RNF41: variants seen among roughly 807,000 people sequenced by gnomAD.
RNF41 encodes the protein ring finger protein 41, also known as E3 ubiquitin-protein ligase NRDP1.
A neutral mutation model predicts 33.0 loss-of-function variants in RNF41; 4 were observed. That is an observed-to-expected ratio of 0.12 (90% CI 0.06 to 0.28). RNF41 has a LOEUF of 0.28. Among genes scored for constraint, RNF41 ranks in the 10% least tolerant of loss-of-function variants. The probability of loss-of-function intolerance (pLI) is 1.00; values close to 1 mark genes in which losing one functional copy is unlikely to be tolerated. For synonymous variants in RNF41, 164 were observed against 153.2 expected (o/e 1.07, Z -0.52); for missense variants, 228 against 432.6 (o/e 0.53, Z 4.19).
At chr12:56,218,601 T>C (rs1402086652) in intron 1 of RNF41, among the ~76,000 whole-genome samples, 1 of 151,848 alleles carries the variant, frequency 6.6e-6, no homozygotes, top group East Asian at 1.9e-4. Context: ...CAAGTAACCC[T>C]GCTGTAGTTT....
intron 1 of RNF41, among the ~76,000 whole-genome samples, chr12:56,217,173 A>G (rs1868968079): frequency 6.6e-6 from 1 of 150,914 alleles, no homozygotes; most frequent in Non-Finnish European, 1.5e-5. Context: ...GAGGAAAAGT[A>G]GAGGAGTTGT....
intron 3 of RNF41, among the ~76,000 whole-genome samples, chr12:56,211,619 G>A (rs180741014): frequency 2.8e-4 from 42 of 152,198 alleles, no homozygotes; most frequent in African/African-American, 9.9e-4. Flanking sequence ...GGGTCTTGAA[G>A]GATAATTCAG....
At chr12:56,209,450 T>C (rs1407416241) in intron 4 of RNF41, among the ~76,000 whole-genome samples, 1 of 149,832 alleles carries the variant, frequency 6.7e-6, no homozygotes, top group Non-Finnish European at 1.5e-5. Context: ...ACCACCACAC[T>C]TGGCTAATTT....
intron 1 of RNF41, among the ~76,000 whole-genome samples, chr12:56,218,456 T>C (rs1233629236): frequency 1.3e-5 from 2 of 150,920 alleles, no homozygotes; most frequent in African/African-American, 4.9e-5. Context: ...AGAGATGGGG[T>C]TTTGCCATGT....
intron 3 of RNF41, 54 bp downstream of exon 3, chr12:56,213,904 A>G (rs1831532083): frequency 4.5e-6 from 5 of 1,118,456 alleles, no homozygotes; most frequent in Middle Eastern, 1.9e-4. Flanking sequence ...AATATTTTCT[A>G]CTAGTTCCAC....
Position 56,210,374 on chromosome 12 carries a change from C to G in RNF41, c.285G>C (p.Arg95=), listed in dbSNP as rs147589376. Residue 95 remains arginine (R), a synonymous_variant, in exon 4 of 7, where the codon CGG becomes CGC. Coordinates refer to ENST00000345093, the MANE Select transcript of RNF41 (RefSeq NM_005785.4). ...TGAGGTGAGACATGAGGTTGTCAAG[C>G]CGGACAACGGCACTACAGCCGAACA... is the stretch of plus-strand genomic sequence containing the variant. The part of the protein sequence containing the change: ...NAVFGCSAVV[R]LDNLMSHLSD... 138 of 1,614,062 alleles carry G rather than the reference C, an allele frequency of 8.5e-5. No homozygotes were observed. Among genetic ancestry groups the G allele is most frequent in the Non-Finnish European group, 1.1e-4 (130 of 1,180,032 alleles).
chr12:56,219,278 G>T (rs535587200), intron 1 of RNF41, among the ~76,000 whole-genome samples: 1 of 150,144 alleles, frequency 6.7e-6, no homozygotes, highest in East Asian at 2.0e-4. Flanking sequence ...TACAAGTTCC[G>T]CCTCCCAGGT....
In RNF41 at chr12:56,208,244, G is replaced by T. The variant is rs918628685; in HGVS notation, c.417C>A (p.Arg139=). The T allele has an allele frequency of 6.2e-7, 1 of 1,614,100 alleles. No homozygotes were observed. Among genetic ancestry groups the T allele is most frequent in the Non-Finnish European group, 8.5e-7 (1 of 1,180,042 alleles). The change falls in exon 5 of 7, where the codon CGC becomes CGA. Residue 139 remains arginine (R), a synonymous_variant. Transcript: ENST00000345093. ...LPNHNCIKHL[R]SVVQQQQTRI... ...GTGTCTGCTGCTGCTGTACCACTGA[G>T]CGCAGGTGCTTAATGCAGTTATGGT...
Position 56,210,462 on chromosome 12 carries a change from C to A in RNF41, c.197G>T (p.Arg66Leu). The A allele has an allele frequency of 1.2e-6, 2 of 1,614,190 alleles. No homozygotes were observed. Among genetic ancestry groups the A allele is most frequent in the Non-Finnish European group, 8.5e-7 (1 of 1,180,038 alleles). ...DRSVVTVAHLRPVPRIMRNML... is the reference protein window; with the variant it reads ...DRSVVTVAHLLPVPRIMRNML... ...GTTCCGCATGATCCGAGGTACTGGG[C>A]GCAGATGGGCGACCGTCACAACACT... The change falls in exon 4 of 7, where the codon CGC becomes CTC. Residue 66 changes from arginine (R) to leucine (L), a missense_variant. By Grantham distance (102) the Arg-to-Leu change is moderately radical. This residue lies in a region of RNF41 where 29 missense variants were observed against 98.0 expected (regional missense o/e 0.30). Coordinates refer to ENST00000345093, the MANE Select transcript of RNF41 (RefSeq NM_005785.4).
At chr12:56,216,217 C>T (rs1038561233) in intron 2 of RNF41, among the ~76,000 whole-genome samples, 1 of 151,844 alleles carries the variant, frequency 6.6e-6, no homozygotes, top group South Asian at 2.1e-4. Context: ...CATAAAAACA[C>T]ATAAACGTAT....
rs753152331 is a variant in RNF41 at position 56,206,468 on chromosome 12, C to T, written c.933G>A (p.Ala311=). Residue 311 remains alanine, a synonymous_variant, in exon 7 of 7, where the codon GCG becomes GCA. Coordinates refer to ENST00000345093, the MANE Select transcript of RNF41 (RefSeq NM_005785.4). This position sits in a 1 kb window ranked among gnomAD's most constrained non-coding sequence, Gnocchi z 5.7. ...TCTCTTATATCTCTTCCACGCCATG[C>T]GCAAATATCATGACAAGGCCTGGCT... The part of the protein sequence containing the change: ...VQEPGLVMIF[A]HGVEEI The T allele has an allele frequency of 1.1e-5, 17 of 1,612,798 alleles. No individual in the cohort carries two copies. Among genetic ancestry groups the T allele is most frequent in the South Asian group, 3.3e-5 (3 of 90,984 alleles).
At chr12:56,221,284 G>A (rs777315691) in intron 1 of RNF41, among the ~76,000 whole-genome samples, 1 of 152,142 alleles carries the variant, frequency 6.6e-6, no homozygotes, top group Non-Finnish European at 1.5e-5. Flanking sequence ...GGGCTGGGAG[G>A]GGGTGAGGAG....
chr12:56,206,469 G>A lies in RNF41; in HGVS notation c.932C>T (p.Ala311Val), dbSNP rs758784058. Residue 311 changes from alanine (A) to valine (V), a missense_variant, in exon 7 of 7, where the codon GCG becomes GTG. By Grantham distance (64) the Ala-to-Val change is moderately conservative (BLOSUM62 0). Coordinates refer to ENST00000345093, the MANE Select transcript of RNF41 (RefSeq NM_005785.4). The surrounding 1 kb of genome is among the most constrained non-coding windows in gnomAD (Gnocchi z 5.7). ...CTCTTATATCTCTTCCACGCCATGC[G>A]CAAATATCATGACAAGGCCTGGCTC... The part of the protein sequence containing the change: ...VQEPGLVMIF[A>V]HGVEEI The A allele has an allele frequency of 2.5e-6, 4 of 1,612,758 alleles. No individual in the cohort carries two copies. Among genetic ancestry groups the A allele is most frequent in the East Asian group, 2.2e-5 (1 of 44,874 alleles).
rs1592347629 is a variant in RNF41, at chr12:56,206,430, T to C, written c.*17A>G. 2 of 1,583,960 alleles carry C rather than the reference T, an allele frequency of 1.3e-6. No homozygotes were observed. The highest frequency in any genetic ancestry group is 1.7e-6 in the Non-Finnish European group (2 of 1,160,868). ...TTTTCTGATTTCCATCTCTTCCTGA[T>C]AGCCAGTCGAGTTCTCTTATATCTC... On this transcript the variant is annotated 3_prime_UTR_variant, in exon 7 of 7. Coordinates refer to ENST00000345093, the MANE Select transcript of RNF41 (RefSeq NM_005785.4). This position sits in a 1 kb window ranked among gnomAD's most constrained non-coding sequence, Gnocchi z 5.7.
rs529626265 is a variant in RNF41, at chr12:56,203,037, A to C, written c.*3410T>G. On this transcript the variant is annotated 3_prime_UTR_variant, in exon 7 of 7. Coordinates refer to ENST00000345093, the MANE Select transcript of RNF41 (RefSeq NM_005785.4). ...TATAAACATACCTTGTGTGCATAGA[A>C]GCGCAGACTCAGCACAGAAATGCCT... 6.9e-6 allele frequency: 1 copy of C among 144,442 alleles called. No homozygotes were observed. Among genetic ancestry groups the C allele is most frequent in the East Asian group, 2.2e-4 (1 of 4,574 alleles). The allele number at this position is 144,442 out of a possible 1,614,324, so 8.9% of individuals were successfully genotyped here.
Position 56,210,576 on chromosome 12 carries a change from A to G in RNF41, c.91-8T>C. 1 of 1,610,694 alleles carries G rather than the reference A, an allele frequency of 6.2e-7. No homozygotes were observed. Among genetic ancestry groups the G allele is most frequent in the Non-Finnish European group, 8.5e-7 (1 of 1,179,630 alleles). On this transcript the variant is annotated splice_polypyrimidine_tract_variant and splice_region_variant and intron_variant, in intron 3 of 6. Coordinates refer to ENST00000345093, the MANE Select transcript of RNF41 (RefSeq NM_005785.4). ...ATGTTCACAATGAGGTGCCTAGAAG[A>G]GAGAACAAGGCAAAAGGGGCGCAAG...
intron 3 of RNF41, among the ~76,000 whole-genome samples, chr12:56,211,044 G>A (rs1173368445): frequency 6.6e-6 from 1 of 152,176 alleles, no homozygotes; most frequent in Non-Finnish European, 1.5e-5. Flanking sequence ...AATTAGCCAG[G>A]GGTGGTGGCG....
At position 56,203,493 on chromosome 12, in the gene RNF41, C is replaced by A. The variant is rs1180617002; in HGVS notation, c.*2954G>T. ...CTCAGCTCACTGCAAGCTCCGCCTC[C>A]CAGGTTCACACCATTCTCCTGCCTC... On this transcript the variant is annotated 3_prime_UTR_variant, in exon 7 of 7. Transcript: ENST00000345093. 1.3e-5 allele frequency: 2 copies of A among 151,452 alleles called. No homozygotes were observed. Among genetic ancestry groups the A allele is most frequent in the African/African-American group, 4.9e-5 (2 of 41,076 alleles). The allele number at this position is 151,452 out of a possible 1,614,324, so 9.4% of individuals were successfully genotyped here. A position where few individuals can be genotyped will look rare whatever the true frequency, so the allele number is the denominator to read the frequency against.
rs1278585143 is a variant in RNF41 at position 56,206,885 on chromosome 12, T to C, written c.603-87A>G. 17 of 1,039,348 alleles carry C rather than the reference T, an allele frequency of 1.6e-5. No individual in the cohort carries two copies. Among genetic ancestry groups the C allele is most frequent in the Non-Finnish European group, 2.2e-5 (16 of 722,138 alleles). 64.4% of individuals were successfully genotyped at this position (1,039,348 alleles called of 1,614,324 possible). A position where few individuals can be genotyped will look rare whatever the true frequency, so the allele number is the denominator to read the frequency against. On this transcript the variant is annotated intron_variant, in intron 6 of 6. Transcript: ENST00000345093. This position sits in a 1 kb window ranked among gnomAD's most constrained non-coding sequence, Gnocchi z 5.7. ...TCTGCTAATAGAAATAACTACCCAC[T>C]CTGCACTCAGCTTACCTATTCTTCC... is the stretch of plus-strand genomic sequence containing the variant.
Sources: gnomAD v4.1 joint callset for allele counts (sites outside exome capture counted in the v4.1 genomes callset) on GRCh38, gnomAD v4.1.1 for gene constraint, gnomAD v4.1.1 regional missense constraint, Gnocchi (gnomAD v3.1) non-coding constraint, MANE v1.5 for transcripts, NCBI Gene and HGNC (gene_info 2026-07-23, HGNC 2026-07-21) for gene names.